MAP2K3: variants seen among roughly 807,000 people sequenced by gnomAD.
MAP2K3 encodes the protein dual specificity mitogen-activated protein kinase kinase 3.
MAP2K3 carries 30 observed loss-of-function variants against 46.4 expected under a neutral mutation model. The observed-to-expected ratio is 0.65, with a 90% CI of 0.48 to 0.88. MAP2K3 has a LOEUF of 0.88. MAP2K3 is among the 40% of genes least tolerant of loss of function. The pLI is 0.00. For synonymous variants in MAP2K3, 189 were observed against 176.3 expected (o/e 1.07, Z -0.57); for missense variants, 380 against 464.5 (o/e 0.82, Z 1.67).
At chr17:21,289,382 G>A (rs1469427996) in intron 1 of MAP2K3, among the ~76,000 whole-genome samples, 4 of 152,066 alleles carry the variant, frequency 2.6e-5, no homozygotes, top group Non-Finnish European at 5.9e-5. Context: ...GGGCCAGCCC[G>A]GGAAGCAAGA....
chr17:21,303,282 TC>T lies in MAP2K3; in HGVS notation c.568+51del, dbSNP rs771514149. On this transcript the variant is annotated intron_variant, in intron 7 of 11. Coordinates refer to ENST00000342679, the MANE Select transcript of MAP2K3 (RefSeq NM_145109.3). ...GGCACGGTGTAGCCAGTGGGAGGGA[TC>T]CCAGGCCAAGGCGGGTGGACGTCTC... 55 of 1,612,486 alleles carry T rather than the reference TC, an allele frequency of 3.4e-5. No homozygotes were observed. In the Admixed American group the frequency reaches 8.8e-4, roughly 26 times the overall value.
intron 1 of MAP2K3, among the ~76,000 whole-genome samples, chr17:21,289,110 G>C (rs1975807779): frequency 6.6e-6 from 1 of 152,240 alleles, no homozygotes. Flanking sequence ...CGTAGGCGCT[G>C]TGACATGAGG....
chr17:21,300,771 G>T, intron 4 of MAP2K3, 103 bp from the exon 5 acceptor site: 1 of 1,608,312 alleles, frequency 6.2e-7, no homozygotes, highest in Non-Finnish European at 8.5e-7. Flanking sequence ...AGGCTTTTTG[G>T]GGCACACTGG....
rs71160134 is a variant in MAP2K3 at position 21,291,346 on chromosome 17, TACAACACAAC to T, written c.49+6400_49+6409del. 1.2e-3 allele frequency: 415 copies of T among 343,288 alleles called. 8 individuals carry two copies. In the East Asian group the frequency reaches 0.018, roughly 15 times the overall value. The allele number at this position is 343,288 out of a possible 1,614,324, so 21.3% of individuals were successfully genotyped here. A position where few individuals can be genotyped will look rare whatever the true frequency, so the allele number is the denominator to read the frequency against. ...TACAATAGAATACAGTACAATACAATACAACACAACACAACACAACACAACACAACACGTA... is the reference window on the plus strand; with the variant it reads ...TACAATAGAATACAGTACAATACAATACAACACAACACAACACAACACGTA... On this transcript the variant is annotated intron_variant, in intron 1 of 11. Coordinates refer to ENST00000342679, the MANE Select transcript of MAP2K3 (RefSeq NM_145109.3).
intron 6 of MAP2K3, among the ~76,000 whole-genome samples, chr17:21,302,903 T>G: frequency 6.6e-6 from 1 of 152,310 alleles, no homozygotes; most frequent in East Asian, 1.9e-4. Flanking sequence ...GAGCTGGGTT[T>G]TACCCAAGAA....
chr17:21,295,651 A>G (rs1370479614), intron 1 of MAP2K3: 5 of 1,289,374 alleles, frequency 3.9e-6, no homozygotes. Flanking sequence ...GGCCCTCCTG[A>G]TGCAGGCTTG....
At chr17:21,294,913 T>G (rs1976153682) in intron 1 of MAP2K3, among the ~76,000 whole-genome samples, 2 of 152,312 alleles carry the variant, frequency 1.3e-5, no homozygotes, top group Non-Finnish European at 2.9e-5. Context: ...AGCCCAGGCC[T>G]TGGCTCCAGA....
chr17:21,301,133 C>T, intron 5 of MAP2K3, 140 bp downstream of exon 5: 1 of 1,424,208 alleles, frequency 7.0e-7, no homozygotes, highest in Non-Finnish European at 9.6e-7. Context: ...CGTCTCTTGG[C>T]TGTTACTGTC....
chr17:21,293,211 G>C (rs1976041583), intron 1 of MAP2K3, among the ~76,000 whole-genome samples: 1 of 152,258 alleles, frequency 6.6e-6, no homozygotes, highest in Non-Finnish European at 1.5e-5. Context: ...CTGGCCATGG[G>C]AGGCCAGGCT....
chr17:21,294,748 G>A (rs9912598), intron 1 of MAP2K3, among the ~76,000 whole-genome samples: 1 of 152,298 alleles, frequency 6.6e-6, no homozygotes, highest in Non-Finnish European at 1.5e-5. Context: ...TGCACTTCCA[G>A]ATGGCCCCAT....
At chr17:21,290,018 A>G (rs1975841680) in intron 1 of MAP2K3, among the ~76,000 whole-genome samples, 1 of 152,054 alleles carries the variant, frequency 6.6e-6, no homozygotes. Flanking sequence ...TGGCGGCTAT[A>G]TCGAGTGCCC....
At chr17:21,285,008 C>A in intron 1 of MAP2K3, 39 bp downstream of exon 1, 1 of 1,594,518 alleles carries the variant, frequency 6.3e-7, no homozygotes, top group Non-Finnish European at 8.5e-7. Flanking sequence ...TGACCCCGCG[C>A]CTAATCTGGG....
intron 7 of MAP2K3, 86 bp downstream of exon 7, chr17:21,303,320 C>A (rs35678520): frequency 1.9e-6 from 3 of 1,540,570 alleles, no homozygotes; most frequent in African/African-American, 1.4e-5. Context: ...CTATGAGCAA[C>A]TGTGGCTCCG....
chr17:21,310,829 G>T (rs772500150), intron 9 of MAP2K3, among the ~76,000 whole-genome samples: 3 of 152,240 alleles, frequency 2.0e-5, no homozygotes. Context: ...TTCGTGTCTG[G>T]AGGCTATTTT....
chr17:21,303,303 C>T (rs1437173392), intron 7 of MAP2K3, 69 bp downstream of exon 7: 19 of 1,605,696 alleles, frequency 1.2e-5, no homozygotes, highest in Admixed American at 5.0e-5. Context: ...GGCGGGTGGA[C>T]GTCTCCCTAT....
At chr17:21,309,682 C>T (rs1014865580) in intron 9 of MAP2K3, among the ~76,000 whole-genome samples, 58 of 152,268 alleles carry the variant, frequency 3.8e-4, no homozygotes, top group Admixed American at 2.9e-3. Flanking sequence ...GGTGCGATCT[C>T]GGCTTACTGC....
At chr17:21,291,279 A>C (rs1216665026) in intron 1 of MAP2K3, among the ~76,000 whole-genome samples, 1 of 152,264 alleles carries the variant, frequency 6.6e-6, no homozygotes, top group African/African-American at 2.4e-5. Flanking sequence ...AATAGAATAC[A>C]ATACAATAGA....
In MAP2K3 at chr17:21,284,912, A is replaced by T. The variant is rs1555546671; in HGVS notation, c.-9A>T. 6.2e-7 allele frequency: 1 copy of T among 1,611,992 alleles called. No individual in the cohort carries two copies. Among genetic ancestry groups the T allele is most frequent in the Non-Finnish European group, 8.5e-7 (1 of 1,179,578 alleles). The stretch of plus-strand genomic sequence containing the variant: ...TAGTCTCCACCGCCGTCCAGGACCC[A>T]CTTGCAGCATGGAGTCGCCCGCCTC... On this transcript the variant is annotated 5_prime_UTR_variant, in exon 1 of 12. Coordinates refer to ENST00000342679, the MANE Select transcript of MAP2K3 (RefSeq NM_145109.3).
At chr17:21,308,698 A>G (rs1228471640) in intron 9 of MAP2K3, among the ~76,000 whole-genome samples, 1 of 152,250 alleles carries the variant, frequency 6.6e-6, no homozygotes, top group Non-Finnish European at 1.5e-5. Context: ...AGTTTGATGC[A>G]AAGGACAAGT....
Sources: gnomAD v4.1 joint callset for allele counts (sites outside exome capture counted in the v4.1 genomes callset) on GRCh38, gnomAD v4.1.1 for gene constraint, MANE v1.5 for transcripts, NCBI Gene and HGNC (gene_info 2026-07-23, HGNC 2026-07-21) for gene names.